HS3ST4: variants seen among roughly 807,000 people sequenced by gnomAD.
HS3ST4 encodes the protein heparan sulfate glucosamine 3-O-sulfotransferase 4.
Under a neutral mutation model 29.2 loss-of-function variants are expected in HS3ST4, and 17 were observed. The ratio of observed to expected loss-of-function variants is 0.58; its 90% CI spans 0.40 to 0.87. The LOEUF is 0.87. Among genes scored for constraint, HS3ST4 ranks in the 40% least tolerant of loss-of-function variants. The pLI, the probability that HS3ST4 is intolerant of heterozygous loss-of-function variation, is 0.00. For missense variants in HS3ST4, 627 were observed against 634.5 expected (o/e 0.99, Z 0.13); for synonymous variants, 314 against 285.7 (o/e 1.10, Z -1.00).
chr16:26,007,189 G>C (rs1006969504), intron 1 of HS3ST4, among the ~76,000 whole-genome samples: 1 of 152,172 alleles, frequency 6.6e-6, no homozygotes, highest in Non-Finnish European at 1.5e-5. Context: ...ATTAGTAGTT[G>C]CCCCTTTACA....
chr16:25,795,944 C>CT (rs145351874), intron 1 of HS3ST4, among the ~76,000 whole-genome samples: 11,430 of 149,748 alleles, frequency 0.076, 824 homozygotes, highest in African/African-American at 0.19. Flanking sequence ...TGTCAAAACT[C>CT]TTTTTTTTTT....
chr16:26,003,445 T>C (rs1214416397), intron 1 of HS3ST4, among the ~76,000 whole-genome samples: 1 of 152,150 alleles, frequency 6.6e-6, no homozygotes, highest in African/African-American at 2.4e-5. Context: ...TCGAGGAATG[T>C]CTATCACAAA....
intron 1 of HS3ST4, among the ~76,000 whole-genome samples, chr16:26,109,883 A>G (rs1899106030): frequency 6.6e-6 from 1 of 152,202 alleles, no homozygotes; most frequent in Non-Finnish European, 1.5e-5. Flanking sequence ...TATCAATCAC[A>G]TCACACACTT....
At chr16:25,823,363 T>G in intron 1 of HS3ST4, among the ~76,000 whole-genome samples, 1 of 152,180 alleles carries the variant, frequency 6.6e-6, no homozygotes, top group East Asian at 1.9e-4. Flanking sequence ...CTGCAACTCC[T>G]TTCCTACGAT....
chr16:25,701,267 T>A (rs1048842854), intron 1 of HS3ST4, among the ~76,000 whole-genome samples: 9 of 152,240 alleles, frequency 5.9e-5, no homozygotes, highest in Admixed American at 3.3e-4. Context: ...TTCCTAGAGA[T>A]GCCTTGGGCC....
At chr16:26,039,876 G>A (rs191639956) in intron 1 of HS3ST4, among the ~76,000 whole-genome samples, 1 of 152,066 alleles carries the variant, frequency 6.6e-6, no homozygotes, top group African/African-American at 2.4e-5. Context: ...ATTGCATGGC[G>A]ATTTTGTCAG....
chr16:25,780,328 C>A (rs1283849493), intron 1 of HS3ST4, among the ~76,000 whole-genome samples: 1 of 152,282 alleles, frequency 6.6e-6, no homozygotes, highest in African/African-American at 2.4e-5. Flanking sequence ...GGAGCATGGT[C>A]TTTGGAGCTA....
intron 1 of HS3ST4, among the ~76,000 whole-genome samples, chr16:25,863,146 A>G (rs1413734748): frequency 6.6e-6 from 1 of 152,046 alleles, no homozygotes; most frequent in Admixed American, 6.6e-5. Context: ...ATCCTTTGTT[A>G]GTTTTATATG....
At chr16:26,123,664 C>T (rs1899305093) in intron 1 of HS3ST4, among the ~76,000 whole-genome samples, 1 of 152,114 alleles carries the variant, frequency 6.6e-6, no homozygotes, top group Non-Finnish European at 1.5e-5. Context: ...TCCCTCACTC[C>T]CCTGTCCAAG....
intron 1 of HS3ST4, among the ~76,000 whole-genome samples, chr16:25,761,073 G>A: frequency 6.6e-6 from 1 of 152,196 alleles, no homozygotes; most frequent in African/African-American, 2.4e-5. Flanking sequence ...CTCCCCATCA[G>A]ACCCCAGAGC....
intron 1 of HS3ST4, among the ~76,000 whole-genome samples, chr16:26,012,975 C>T (rs1411528606): frequency 6.6e-6 from 1 of 151,884 alleles, no homozygotes; most frequent in African/African-American, 2.4e-5. Context: ...CCATCCTGGC[C>T]AACATGGTGA....
At chr16:25,950,600 T>C (rs1014090178) in intron 1 of HS3ST4, among the ~76,000 whole-genome samples, 1 of 151,838 alleles carries the variant, frequency 6.6e-6, no homozygotes, top group Non-Finnish European at 1.5e-5. Flanking sequence ...ACCAGTTCTG[T>C]TGAGTCATTT....
chr16:26,050,729 C>T (rs931890293), intron 1 of HS3ST4, among the ~76,000 whole-genome samples: 16 of 152,122 alleles, frequency 1.1e-4, no homozygotes, highest in Admixed American at 8.5e-4. Context: ...ATACCCCATG[C>T]ATATTGCTCT....
At chr16:25,837,359 T>A (rs1182815287) in intron 1 of HS3ST4, among the ~76,000 whole-genome samples, 4 of 152,090 alleles carry the variant, frequency 2.6e-5, no homozygotes, top group African/African-American at 9.7e-5. Context: ...GGGGGAAGTG[T>A]TTTTTGCTGG....
chr16:25,869,195 A>G (rs1400584886), intron 1 of HS3ST4, among the ~76,000 whole-genome samples: 6 of 152,104 alleles, frequency 3.9e-5, no homozygotes, highest in African/African-American at 1.4e-4. Context: ...CTCAGGGACC[A>G]GGCTGGCGAT....
intron 1 of HS3ST4, among the ~76,000 whole-genome samples, chr16:26,054,787 G>A (rs970820945): frequency 9.2e-5 from 14 of 151,960 alleles, no homozygotes; most frequent in Non-Finnish European, 1.8e-4. Flanking sequence ...TGCTCTGGGA[G>A]CCATCGCAAG....
intron 1 of HS3ST4, among the ~76,000 whole-genome samples, chr16:25,952,946 G>A (rs1968695897): frequency 6.6e-6 from 1 of 152,160 alleles, no homozygotes; most frequent in African/African-American, 2.4e-5. Flanking sequence ...CCCCTCATTT[G>A]TTACAAGCCA....
chr16:26,022,483 A>G (rs1168793497), intron 1 of HS3ST4, among the ~76,000 whole-genome samples: 1 of 152,168 alleles, frequency 6.6e-6, no homozygotes, highest in Non-Finnish European at 1.5e-5. Flanking sequence ...CTATAAGAGC[A>G]GATAGCAAAC....
rs141761162 is a variant in HS3ST4, at chr16:26,064,354, A to G, written c.735-71258A>G. ...TTAATGTCCAAGGTGCTTAGGGTAT[A>G]GAGGGTAGAAGGGAGGCTTGCTAGG... On this transcript the variant is annotated intron_variant, in intron 1 of 1. Coordinates refer to ENST00000331351, the MANE Select transcript of HS3ST4 (RefSeq NM_006040.3). Among the ~76,000 whole-genome samples, 54 of 152,318 alleles carry G rather than the reference A, an allele frequency of 3.5e-4. No individual in the cohort carries two copies. In the East Asian group the frequency reaches 8.5e-3, roughly 24 times the overall value.
Sources: gnomAD v4.1 joint callset for allele counts (sites outside exome capture counted in the v4.1 genomes callset) on GRCh38, gnomAD v4.1.1 for gene constraint, MANE v1.5 for transcripts, NCBI Gene and HGNC (gene_info 2026-07-23, HGNC 2026-07-21) for gene names.